Variants in ZNF407 observed in about 807,000 individuals in gnomAD.
ZNF407 encodes the protein zinc finger protein 407.
In ZNF407, 17 loss-of-function variants were observed where a neutral mutation model predicts 131.2. That is an observed-to-expected ratio of 0.13 (90% CI 0.09 to 0.19). ZNF407 has a LOEUF of 0.19. Ranked by LOEUF, ZNF407 falls within the 10% of genes least tolerant of loss-of-function variation. ZNF407 has a pLI of 1.00. For synonymous variants in ZNF407, 1,156 were observed against 1,062.0 expected, an observed-to-expected ratio of 1.09 and a Z score of -1.72; for missense variants, 2,681 against 2,830.6, an observed-to-expected ratio of 0.95 and a Z score of 1.20.
chr18:74,686,072 G>C (rs947630707), intron 3 of ZNF407, among the ~76,000 whole-genome samples: 2 of 152,124 alleles, frequency 1.3e-5, no homozygotes, highest in African/African-American at 4.8e-5. Context: ...TATAGGTATG[G>C]CTTCCATATA....
intron 3 of ZNF407, among the ~76,000 whole-genome samples, chr18:74,715,287 A>G (rs1372465510): frequency 1.3e-5 from 2 of 152,138 alleles, no homozygotes; most frequent in Non-Finnish European, 2.9e-5. Context: ...TTGTGGATCT[A>G]TTATTGTTAC....
chr18:75,044,430 TACAAGAAGCC>T (rs1472590669), intron 8 of ZNF407, among the ~76,000 whole-genome samples: 1 of 152,142 alleles, frequency 6.6e-6, no homozygotes, highest in Admixed American at 6.5e-5. Flanking sequence ...TAGCTTAGAC[TACAAGAAGCC>T]ACTAGAAGCC....
Position 75,065,461 on chromosome 18 carries a change from C to T in ZNF407, c.*993C>T, listed in dbSNP as rs2122305258. On this transcript the variant is annotated 3_prime_UTR_variant, in exon 9 of 9. Transcript: ENST00000299687. ...TGGTCTGTGTTTCCTTGTGGATTCA[C>T]CTGTGGCCCTGCTGTGGCCACCAGC... 1 of 152,338 alleles carries T rather than the reference C, an allele frequency of 6.6e-6. No individual in the cohort carries two copies. Among genetic ancestry groups the T allele is most frequent in the South Asian group, 2.1e-4 (1 of 4,832 alleles). 9.4% of individuals were successfully genotyped at this position (152,338 alleles called of 1,614,324 possible).
intron 8 of ZNF407, among the ~76,000 whole-genome samples, chr18:74,922,474 C>T (rs1274259026): frequency 6.6e-6 from 1 of 152,072 alleles, no homozygotes; most frequent in Non-Finnish European, 1.5e-5. Context: ...AAAAACATTA[C>T]TTATCTTTAA....
chr18:74,599,500 T>G (rs1437698733), intron 1 of ZNF407, among the ~76,000 whole-genome samples: 2 of 152,216 alleles, frequency 1.3e-5, no homozygotes, highest in Non-Finnish European at 2.9e-5. Context: ...TTTTGAGATC[T>G]GGTTGAATAG....
chr18:75,064,136 G>T lies in ZNF407; in HGVS notation c.6415G>T (p.Asp2139Tyr). The stretch of plus-strand genomic sequence containing the variant: ...CGAGCACATGGATCTGGTGGAGTCC[G>T]ACGGGGAGATCTCGCAGATCATCGT... ...QGEHMDLVES[D>Y]GEISQIIVTE... is the part of the protein sequence containing the mutation. The change falls in exon 9 of 9, where the codon GAC becomes TAC. Residue 2139 changes from aspartate (D) to tyrosine (Y), a missense_variant. Asp to Tyr is a radical substitution (Grantham distance 160, BLOSUM62 -3). Coordinates refer to ENST00000299687, the MANE Select transcript of ZNF407 (RefSeq NM_017757.3). 6.2e-7 allele frequency: 1 copy of T among 1,601,604 alleles called. No homozygotes were observed. Among genetic ancestry groups the T allele is most frequent in the Non-Finnish European group, 8.5e-7 (1 of 1,174,262 alleles).
At chr18:74,911,535 T>C (rs916658034) in intron 7 of ZNF407, among the ~76,000 whole-genome samples, 21 of 152,212 alleles carry the variant, frequency 1.4e-4, no homozygotes, top group Non-Finnish European at 2.8e-4. Context: ...TTCAACTGTT[T>C]TGTGTTGTTG....
chr18:74,915,637 TGC>T (rs1198014255), intron 7 of ZNF407, among the ~76,000 whole-genome samples: 11 of 123,662 alleles, frequency 8.9e-5, no homozygotes, highest in East Asian at 2.7e-4. Flanking sequence ...TGTGTGTGTG[TGC>T]GTGCATGTGT....
chr18:74,604,884 C>T (rs1284761172), intron 1 of ZNF407, among the ~76,000 whole-genome samples: 1 of 152,098 alleles, frequency 6.6e-6, no homozygotes, highest in Non-Finnish European at 1.5e-5. Context: ...CATGGTGTCC[C>T]CATCAGATAT....
At chr18:74,615,851 G>T (rs1429627267) in intron 1 of ZNF407, among the ~76,000 whole-genome samples, 5 of 152,014 alleles carry the variant, frequency 3.3e-5, no homozygotes. Flanking sequence ...CAGCAATGGG[G>T]AAAGAACTGT....
chr18:74,947,084 T>A (rs1004548550), intron 8 of ZNF407, among the ~76,000 whole-genome samples: 21 of 152,222 alleles, frequency 1.4e-4, no homozygotes, highest in East Asian at 7.7e-4. Context: ...ACCTAACAGA[T>A]GACCGCCTCC....
intron 8 of ZNF407, among the ~76,000 whole-genome samples, chr18:75,050,735 C>G (rs1973490911): frequency 6.6e-6 from 1 of 152,224 alleles, no homozygotes; most frequent in South Asian, 2.1e-4. Context: ...CACCCTCTTT[C>G]TCTTCCAAGG....
chr18:74,609,162 A>G (rs1982943215), intron 1 of ZNF407, among the ~76,000 whole-genome samples: 1 of 152,210 alleles, frequency 6.6e-6, no homozygotes, highest in Non-Finnish European at 1.5e-5. Context: ...ATCAATCAGT[A>G]TTGAATTGGC....
chr18:74,723,298 C>CT, intron 3 of ZNF407, among the ~76,000 whole-genome samples: 1 of 152,064 alleles, frequency 6.6e-6, no homozygotes, highest in East Asian at 1.9e-4. Context: ...TTCATTGCTC[C>CT]TTTTTCCCTT....
chr18:74,642,963 C>T (rs1984792445), intron 3 of ZNF407, among the ~76,000 whole-genome samples: 1 of 152,022 alleles, frequency 6.6e-6, no homozygotes. Flanking sequence ...TTAACAGTGA[C>T]GCTGAGAGTT....
intron 8 of ZNF407, among the ~76,000 whole-genome samples, chr18:75,010,495 T>C (rs1266660823): frequency 6.6e-6 from 1 of 152,162 alleles, no homozygotes. Flanking sequence ...TGCCACTTCC[T>C]TGTGACTGCT....
intron 3 of ZNF407, among the ~76,000 whole-genome samples, chr18:74,738,290 C>T (rs956504248): frequency 1.5e-4 from 22 of 151,632 alleles, no homozygotes; most frequent in African/African-American, 4.6e-4. Context: ...TGTGGCGGTG[C>T]GTGCCTGTAG....
intron 1 of ZNF407, among the ~76,000 whole-genome samples, chr18:74,610,908 G>T (rs1184146376): frequency 6.6e-6 from 1 of 152,182 alleles, no homozygotes; most frequent in Non-Finnish European, 1.5e-5. Flanking sequence ...GGGGATCATA[G>T]TCTGACTACA....
intron 4 of ZNF407, among the ~76,000 whole-genome samples, chr18:74,837,157 A>G (rs1970570304): frequency 6.6e-6 from 1 of 152,244 alleles, no homozygotes; most frequent in East Asian, 1.9e-4. Flanking sequence ...GTATTTACAC[A>G]TGACTGTCTG....
Sources: allele counts gnomAD v4.1 joint callset (sites outside exome capture counted in the v4.1 genomes callset), GRCh38; gene constraint gnomAD v4.1.1; transcripts MANE v1.5; gene names NCBI Gene and HGNC (gene_info 2026-07-23, HGNC 2026-07-21).